ROCK2: variants seen among roughly 807,000 people sequenced by gnomAD.
ROCK2 encodes Rho associated coiled-coil containing protein kinase 2.
Under a neutral mutation model 195.1 loss-of-function variants are expected in ROCK2, and 61 were observed. That is an observed-to-expected ratio of 0.31 (90% CI 0.25 to 0.39). ROCK2 has a LOEUF of 0.39. ROCK2 is among the 10% of genes least tolerant of loss of function. The probability of loss-of-function intolerance (pLI) is 1.00; values close to 1 mark genes in which losing one functional copy is unlikely to be tolerated. For synonymous variants in ROCK2, 504 were observed against 545.5 expected (o/e 0.92, Z 1.06); for missense variants, 1,109 against 1,637.4 (o/e 0.68, Z 5.57).
intron 1 of ROCK2, among the ~76,000 whole-genome samples, chr2:11,331,037 G>A (rs898602865): frequency 5.0e-4 from 64 of 128,556 alleles, no homozygotes; most frequent in African/African-American, 2.6e-4. Flanking sequence ...GAGGAGGGAG[G>A]AGGAGGGAGG....
chr2:11,304,082 T>G (rs373456298), intron 1 of ROCK2, among the ~76,000 whole-genome samples: 20 of 152,360 alleles, frequency 1.3e-4, no homozygotes, highest in African/African-American at 4.6e-4. Flanking sequence ...GCCTCCTCTC[T>G]CAAATTCACT....
chr2:11,286,484 T>C (rs76188410), intron 3 of ROCK2, 55 bp downstream of exon 3: 554 of 1,130,414 alleles, frequency 4.9e-4, no homozygotes, highest in Non-Finnish European at 7.2e-4. Flanking sequence ...CTATTGATAA[T>C]GCTTCACAAA....
chr2:11,292,908 G>T (rs1228861301), intron 1 of ROCK2, among the ~76,000 whole-genome samples: 1 of 152,114 alleles, frequency 6.6e-6, no homozygotes, highest in Non-Finnish European at 1.5e-5. Flanking sequence ...GTACTCAGGA[G>T]ATCTGGTTTA....
chr2:11,291,947 G>A (rs1467310662), intron 1 of ROCK2, among the ~76,000 whole-genome samples: 1 of 151,812 alleles, frequency 6.6e-6, no homozygotes, highest in Non-Finnish European at 1.5e-5. Flanking sequence ...TTAGAAGCCA[G>A]ATGAAGAGTG....
At chr2:11,345,258 C>T (rs1206859179), upstream of ROCK2, among the ~76,000 whole-genome samples, 1 of 152,184 alleles carries the variant, frequency 6.6e-6, no homozygotes, top group Non-Finnish European at 1.5e-5. Flanking sequence ...CGTTTCTGCC[C>T]GGCTTAGACA....
At chr2:11,256,986 G>C (rs992643542) in intron 3 of ROCK2, among the ~76,000 whole-genome samples, 1 of 151,328 alleles carries the variant, frequency 6.6e-6, no homozygotes, top group Non-Finnish European at 1.5e-5. Flanking sequence ...GTAGGCTAGG[G>C]ACTCTCAGTA....
At chr2:11,296,092 A>G (rs1435446505) in intron 1 of ROCK2, among the ~76,000 whole-genome samples, 1 of 150,648 alleles carries the variant, frequency 6.6e-6, no homozygotes, top group Non-Finnish European at 1.5e-5. Flanking sequence ...CACTTCATGG[A>G]CATTTTGGAG....
At chr2:11,340,461 CT>C (rs1378445886) in intron 1 of ROCK2, among the ~76,000 whole-genome samples, 4 of 152,064 alleles carry the variant, frequency 2.6e-5, no homozygotes, top group Non-Finnish European at 4.4e-5. Flanking sequence ...TAAAACCTCC[CT>C]AGCTAACTCA....
intron 1 of ROCK2, among the ~76,000 whole-genome samples, chr2:11,318,833 T>C (rs1326001600): frequency 3.3e-5 from 5 of 152,258 alleles, no homozygotes; most frequent in Non-Finnish European, 1.5e-5. Context: ...GCCAGCCAGT[T>C]CTCCCAGCAC....
At chr2:11,327,922 T>G (rs977367992) in intron 1 of ROCK2, among the ~76,000 whole-genome samples, 1 of 152,148 alleles carries the variant, frequency 6.6e-6, no homozygotes, top group Non-Finnish European at 1.5e-5. Context: ...GAAGTTTGTT[T>G]TATTTTGTTT....
chr2:11,198,515 T>G lies in ROCK2; in HGVS notation c.3075A>C (p.Leu1025Phe). 1 of 1,611,604 alleles carries G rather than the reference T, an allele frequency of 6.2e-7. No individual in the cohort carries two copies. Among genetic ancestry groups the G allele is most frequent in the Non-Finnish European group, 8.5e-7 (1 of 1,178,448 alleles). Residue 1025 changes from leucine to phenylalanine, a missense_variant, in exon 25 of 33, where the codon TTA becomes TTC. Physicochemically the swap from Leu to Phe is conservative, Grantham distance 22. This residue lies in a region of ROCK2 where 29 missense variants were observed against 75.0 expected (regional missense o/e 0.39). Transcript: ENST00000315872. Reference protein sequence around the residue: ...AIKAQFEKQLLTERTLKTQAV... With the variant: ...AIKAQFEKQLFTERTLKTQAV... ...CTTGAGTTTTGAGTGTTCTTTCTGT[T>G]AATAGCTGCTTCTCAAACTGTGCTT...
chr2:11,301,104 T>C (rs958562518), intron 1 of ROCK2, among the ~76,000 whole-genome samples: 3 of 152,170 alleles, frequency 2.0e-5, no homozygotes, highest in Non-Finnish European at 4.4e-5. Flanking sequence ...ATATGTCATT[T>C]AGTGGGGAAA....
Position 11,262,044 on chromosome 2 carries a change from CCA to C in ROCK2, c.325-12248_325-12247del, listed in dbSNP as rs1428206746. On this transcript the variant is annotated intron_variant, in intron 3 of 32. Coordinates refer to ENST00000315872, the MANE Select transcript of ROCK2 (RefSeq NM_004850.5). ...TCAATGAAAATGTTAGCTGACTCCA[CCA>C]CAGACAAATGGAATTTAGCTCATTC... Among the ~76,000 whole-genome samples, 8 of 152,208 alleles carry C rather than the reference CCA, an allele frequency of 5.3e-5. No individual in the cohort carries two copies. In the East Asian group the frequency reaches 1.4e-3, roughly 26 times the overall value.
chr2:11,253,175 A>G (rs1376505780), intron 3 of ROCK2, among the ~76,000 whole-genome samples: 1 of 152,062 alleles, frequency 6.6e-6, no homozygotes, highest in Non-Finnish European at 1.5e-5. Flanking sequence ...CAGCGATGGA[A>G]GAAAGAAGAA....
intron 27 of ROCK2, chr2:11,195,328 A>G (rs1046643814): frequency 1.1e-5 from 2 of 174,134 alleles, no homozygotes; most frequent in Admixed American, 1.2e-4. Context: ...CAAAAAAAAA[A>G]AAAAGGCAGC....
chr2:11,214,952 C>T lies in ROCK2; in HGVS notation c.1824G>A (p.Leu608=). The change falls in exon 16 of 33, where the codon CTG becomes CTA. Residue 608 remains leucine (L), a synonymous_variant. Coordinates refer to ENST00000315872, the MANE Select transcript of ROCK2 (RefSeq NM_004850.5). The stretch of plus-strand genomic sequence containing the variant: ...CAAGTTTTAACTTGGCAGTCTCCAG[C>T]AGGCAGTTTTTATCTTGTAGATCTC... ...NNRDLQDKNC[L]LETAKLKLEK... The T allele has an allele frequency of 6.2e-7, 1 of 1,614,148 alleles. No individual in the cohort carries two copies. The highest frequency in any genetic ancestry group is 8.5e-7 in the Non-Finnish European group (1 of 1,180,014).
At position 11,337,102 on chromosome 2, in the gene ROCK2, G is replaced by A. The variant is rs139156237; in HGVS notation, c.141+6894C>T. On this transcript the variant is annotated intron_variant, in intron 1 of 32. Coordinates refer to ENST00000315872, the MANE Select transcript of ROCK2 (RefSeq NM_004850.5). ...TACTATAAAAATACAATAATTAGCCGGGTGTGGTGGTGCATGCCTGTAATC... is the reference window on the plus strand; with the variant it reads ...TACTATAAAAATACAATAATTAGCCAGGTGTGGTGGTGCATGCCTGTAATC... 7.8e-3 allele frequency among the ~76,000 whole-genome samples: 1,192 copies of A among 152,074 alleles called. 16 individuals carry two copies. The highest frequency in any genetic ancestry group is 9.7e-3 in the Non-Finnish European group (657 of 67,980).
chr2:11,189,263 A>T (rs924830264), intron 32 of ROCK2, among the ~76,000 whole-genome samples: 2 of 152,156 alleles, frequency 1.3e-5, no homozygotes, highest in African/African-American at 4.8e-5. Context: ...TATTAAACAA[A>T]CTCAAATGAA....
chr2:11,213,472 CTTTT>C (rs758783515), intron 17 of ROCK2, among the ~76,000 whole-genome samples: 1 of 151,702 alleles, frequency 6.6e-6, no homozygotes, highest in African/African-American at 2.4e-5. Flanking sequence ...ATGCCTTTTT[CTTTT>C]TTAAGTTTCA....
Sources: allele counts gnomAD v4.1 joint callset (sites outside exome capture counted in the v4.1 genomes callset), GRCh38; gene constraint gnomAD v4.1.1; regional missense constraint gnomAD v4.1.1; transcripts MANE v1.5; gene names NCBI Gene and HGNC (gene_info 2026-07-23, HGNC 2026-07-21).